PCDHA8: variants seen among roughly 807,000 people sequenced by gnomAD.
PCDHA8 encodes the protein protocadherin alpha-8.
A neutral mutation model predicts 61.8 loss-of-function variants in PCDHA8; 53 were observed. The observed-to-expected ratio is 0.86, with a 90% confidence interval of 0.69 to 1.08. The LOEUF (loss-of-function observed/expected upper bound fraction) is 1.08, where lower values mean the gene tolerates loss of function less well. Ranked by LOEUF, PCDHA8 falls within the 50% of genes least tolerant of loss-of-function variation. PCDHA8 has a pLI of 0.00. For missense variants in PCDHA8, 1,293 were observed against 1,245.0 expected (o/e 1.04, Z -0.58); for synonymous variants, 618 against 556.6 (o/e 1.11, Z -1.55).
chr5:140,972,905 A>C (rs1188926107), intron 1 of PCDHA8, among the ~76,000 whole-genome samples: 18 of 151,782 alleles, frequency 1.2e-4, no homozygotes, highest in African/African-American at 4.4e-4. Flanking sequence ...CTTGTGATCC[A>C]CCCGCCTTGG....
At chr5:140,984,174 G>A (rs557769828) in intron 3 of PCDHA8, among the ~76,000 whole-genome samples, 25 of 152,318 alleles carry the variant, frequency 1.6e-4, no homozygotes, top group African/African-American at 5.8e-4. Flanking sequence ...AAGAAGCCAC[G>A]TGAAATCATG....
intron 1 of PCDHA8, chr5:140,877,432 C>T: frequency 6.2e-7 from 1 of 1,613,874 alleles, no homozygotes; most frequent in Non-Finnish European, 8.5e-7. Flanking sequence ...GGTGAAGGAC[C>T]ACGGTGAGCC....
intron 1 of PCDHA8, chr5:140,870,108 CTG>C (rs1455437240): frequency 6.2e-7 from 1 of 1,613,906 alleles, no homozygotes; most frequent in African/African-American, 1.3e-5. Flanking sequence ...ACTGTACAGT[CTG>C]GGTGGAAATC....
intron 1 of PCDHA8, chr5:140,856,650 G>A (rs2044132398): frequency 1.3e-6 from 2 of 1,598,026 alleles, no homozygotes; most frequent in African/African-American, 2.7e-5. Flanking sequence ...CTGCTGGATC[G>A]TGAAGAAAAT....
intron 1 of PCDHA8, among the ~76,000 whole-genome samples, chr5:140,959,145 A>C (rs2095470775): frequency 6.6e-6 from 1 of 152,030 alleles, no homozygotes; most frequent in Non-Finnish European, 1.5e-5. Flanking sequence ...GGGAGGCCAA[A>C]GTGGGCAGAT....
intron 1 of PCDHA8, chr5:140,876,767 C>G (rs1462172871): frequency 6.2e-7 from 1 of 1,614,076 alleles, no homozygotes. Flanking sequence ...GATGGGGGCT[C>G]GCCTTCGCTG....
chr5:140,848,337 CAA>C, intron 1 of PCDHA8: 2 of 873,308 alleles, frequency 2.3e-6, no homozygotes, highest in Non-Finnish European at 3.6e-6. Flanking sequence ...TGAATCCAGA[CAA>C]ATACAGCCCT....
chr5:140,914,042 T>C (rs2076573370), intron 1 of PCDHA8, among the ~76,000 whole-genome samples: 1 of 152,222 alleles, frequency 6.6e-6, no homozygotes, highest in South Asian at 2.1e-4. Context: ...AGAATGTGTA[T>C]TCTGCAGCTG....
At chr5:140,856,152 A>T in intron 1 of PCDHA8, 1 of 1,598,182 alleles carries the variant, frequency 6.3e-7, no homozygotes, top group Non-Finnish European at 8.6e-7. Flanking sequence ...TACTCAGTCT[A>T]CGAGGAGGCC....
At position 140,926,980 on chromosome 5, in the gene PCDHA8, A is replaced by T. The variant is rs781916280; in HGVS notation, c.2395-51969A>T. ...GCTCGAGTACTCAGTGCCGGAGGAG[A>T]CGGAGCGGGGCGTAGCCGTAGGCAA... On this transcript the variant is annotated intron_variant, in intron 1 of 3. Transcript: ENST00000531613. The T allele has an allele frequency of 1.9e-6, 3 of 1,610,246 alleles. No individual in the cohort carries two copies. The Admixed American group carries it at 5.0e-5, about 27-fold the overall frequency.
chr5:140,992,216 C>G (rs1554252754), intron 3 of PCDHA8, among the ~76,000 whole-genome samples: 1 of 152,100 alleles, frequency 6.6e-6, no homozygotes, highest in African/African-American at 2.4e-5. Flanking sequence ...AAACTACTCT[C>G]CCTTCCTGGG....
At chr5:140,869,601 T>C (rs1581902552) in intron 1 of PCDHA8, 1 of 1,613,936 alleles carries the variant, frequency 6.2e-7, no homozygotes, top group East Asian at 2.2e-5. Context: ...AAGAGAATGC[T>C]CTATTGACCT....
At chr5:140,859,390 C>A (rs911308831) in intron 1 of PCDHA8, 1 of 268,118 alleles carries the variant, frequency 3.7e-6, no homozygotes, top group Non-Finnish European at 6.7e-6. Context: ...CTCTAGTCAT[C>A]TTAAACAGGG....
At chr5:140,974,372 G>A (rs782769705) in intron 1 of PCDHA8, among the ~76,000 whole-genome samples, 28 of 152,076 alleles carry the variant, frequency 1.8e-4, no homozygotes, top group Non-Finnish European at 4.0e-4. Flanking sequence ...AGCACTTTCT[G>A]TTGTACTGGA....
chr5:140,924,785 C>G (rs2082005933), intron 1 of PCDHA8, among the ~76,000 whole-genome samples: 1 of 151,704 alleles, frequency 6.6e-6, no homozygotes, highest in African/African-American at 2.4e-5. Context: ...GTCCTAGCTA[C>G]TTAGGAGGCT....
chr5:140,870,106 G>A, intron 1 of PCDHA8: 3 of 1,613,922 alleles, frequency 1.9e-6, no homozygotes, highest in Non-Finnish European at 2.5e-6. Context: ...TCACTGTACA[G>A]TCTGGGTGGA....
chr5:140,927,159 C>T (rs782468229), intron 1 of PCDHA8: 2 of 1,614,164 alleles, frequency 1.2e-6, no homozygotes, highest in South Asian at 2.2e-5. Context: ...TGTGCAGGGC[C>T]AAAGCTGCCT....
intron 1 of PCDHA8, chr5:140,856,628 G>C (rs782445037): frequency 1.9e-6 from 3 of 1,598,180 alleles, no homozygotes; most frequent in East Asian, 4.5e-5. Context: ...CCCAGTGCTT[G>C]TTCTGCGGAA....
At chr5:140,907,406 A>G (rs2073359357) in intron 1 of PCDHA8, among the ~76,000 whole-genome samples, 1 of 152,216 alleles carries the variant, frequency 6.6e-6, no homozygotes, top group African/African-American at 2.4e-5. Context: ...TGTGTGGAAT[A>G]CCACGATGGT....
Sources: allele counts gnomAD v4.1 joint callset (sites outside exome capture counted in the v4.1 genomes callset), GRCh38; gene constraint gnomAD v4.1.1; transcripts MANE v1.5; gene names NCBI Gene and HGNC (gene_info 2026-07-23, HGNC 2026-07-21).